SYT9: variants seen among roughly 807,000 people sequenced by gnomAD.
SYT9 encodes the protein synaptotagmin 9.
A neutral mutation model predicts 48.4 loss-of-function variants in SYT9; 22 were observed. The observed-to-expected ratio is 0.45, with a 90% confidence interval of 0.32 to 0.65. SYT9 has a LOEUF of 0.65. SYT9 is among the 30% of genes least tolerant of loss of function. The probability of loss-of-function intolerance (pLI) is 0.03; values close to 1 mark genes in which losing one functional copy is unlikely to be tolerated. For synonymous variants in SYT9, 265 were observed against 245.0 expected (o/e 1.08, Z -0.76); for missense variants, 577 against 622.0 (o/e 0.93, Z 0.77).
intron 3 of SYT9, among the ~76,000 whole-genome samples, chr11:7,412,921 A>T (rs1392126766): frequency 6.6e-6 from 1 of 152,128 alleles, no homozygotes; most frequent in African/African-American, 2.4e-5. Context: ...ACAGTAGTGG[A>T]CTAGGCTGGG....
intron 3 of SYT9, among the ~76,000 whole-genome samples, chr11:7,333,490 A>T (rs1849579391): frequency 4.6e-5 from 7 of 152,212 alleles, no homozygotes; most frequent in Admixed American, 4.6e-4. Flanking sequence ...GATGAGCATG[A>T]CTGACTTTAA....
chr11:7,252,330 A>C lies in SYT9; in HGVS notation c.144A>C (p.Pro48=), dbSNP rs1847887378. 2 of 1,473,586 alleles carry C rather than the reference A, an allele frequency of 1.4e-6. No individual in the cohort carries two copies. Among genetic ancestry groups the C allele is most frequent in the Non-Finnish European group, 9.0e-7 (1 of 1,112,124 alleles). 91.3% of individuals were successfully genotyped at this position (1,473,586 alleles called of 1,614,324 possible). A position where few individuals can be genotyped will look rare whatever the true frequency, so the allele number is the denominator to read the frequency against. The change falls in exon 1 of 7, where the codon CCA becomes CCC. Residue 48 remains proline (P), a splice_region_variant and synonymous_variant. Transcript: ENST00000318881. The surrounding 1 kb of genome is among the most constrained non-coding windows in gnomAD (Gnocchi z 6.3). ...RDRARPRLRD[P]DISVSLLTLV... is the part of the protein sequence containing the mutation. ...GTGCCAGACCCCGGCTCCGCGACCC[A>C]GGTGAGTGCCGCCACCGCCGCCTGG...
intron 1 of SYT9, among the ~76,000 whole-genome samples, chr11:7,281,172 A>G (rs142979570): frequency 2.8e-4 from 43 of 152,346 alleles, no homozygotes; most frequent in African/African-American, 9.6e-4. Context: ...CTATATTTGC[A>G]TACAAATGCA....
intron 6 of SYT9, among the ~76,000 whole-genome samples, chr11:7,423,149 C>A (rs1452806060): frequency 6.6e-6 from 1 of 152,186 alleles, no homozygotes; most frequent in Non-Finnish European, 1.5e-5. Context: ...AGGGGGAGGG[C>A]AAACCTTCCT....
At chr11:7,427,322 G>T (rs1475200753) in intron 6 of SYT9, 1 of 152,170 alleles carries the variant, frequency 6.6e-6, no homozygotes, top group Non-Finnish European at 1.5e-5. Context: ...CATGAAAAGG[G>T]ACCAATTCCT....
At chr11:7,419,145 C>T (rs1480385547) in intron 5 of SYT9, among the ~76,000 whole-genome samples, 1 of 152,214 alleles carries the variant, frequency 6.6e-6, no homozygotes, top group Non-Finnish European at 1.5e-5. Flanking sequence ...CAAGAAACAA[C>T]ACCAACAGTG....
chr11:7,328,809 T>C (rs1331857391), intron 3 of SYT9, among the ~76,000 whole-genome samples: 1 of 152,170 alleles, frequency 6.6e-6, no homozygotes, highest in Non-Finnish European at 1.5e-5. Context: ...TTTTTACTTG[T>C]TTGGAAATGT....
chr11:7,294,271 T>A (rs1397194630), intron 1 of SYT9, among the ~76,000 whole-genome samples: 1 of 152,166 alleles, frequency 6.6e-6, no homozygotes, highest in Non-Finnish European at 1.5e-5. Context: ...TAAATCTATA[T>A]CATTCCACTG....
Position 7,468,291 on chromosome 11 carries a change from A to G in SYT9, c.*1491A>G, listed in dbSNP as rs535846369. 1.8e-5 allele frequency: 7 copies of G among 398,670 alleles called. No individual in the cohort carries two copies. The highest frequency in any genetic ancestry group is 3.1e-5 in the Non-Finnish European group (7 of 226,082). 24.7% of individuals were successfully genotyped at this position (398,670 alleles called of 1,614,324 possible). On this transcript the variant is annotated 3_prime_UTR_variant, in exon 7 of 7. Transcript: ENST00000318881. Reference sequence around the variant, plus strand: ...GTCTTCAGAAAGTTCTCATTGCCCCAGCTGCCTAGTACTATACAAGAAGCT... The same window carrying G: ...GTCTTCAGAAAGTTCTCATTGCCCCGGCTGCCTAGTACTATACAAGAAGCT...
At chr11:7,414,157 C>T (rs549160968) in intron 3 of SYT9, among the ~76,000 whole-genome samples, 15 of 152,290 alleles carry the variant, frequency 9.8e-5, no homozygotes, top group Admixed American at 3.3e-4. Context: ...TTTCACATCC[C>T]GAACCTTACA....
At chr11:7,382,369 G>A (rs2134047534) in intron 3 of SYT9, among the ~76,000 whole-genome samples, 1 of 152,270 alleles carries the variant, frequency 6.6e-6, no homozygotes, top group South Asian at 2.1e-4. Flanking sequence ...TGAGAGAAGA[G>A]GGGCAATAGA....
chr11:7,381,488 G>A (rs1267459983), intron 3 of SYT9, among the ~76,000 whole-genome samples: 1 of 152,140 alleles, frequency 6.6e-6, no homozygotes, highest in Non-Finnish European at 1.5e-5. Context: ...GTGAAGCTCT[G>A]CCCTGTCATC....
At chr11:7,439,994 G>A (rs1444535150) in intron 6 of SYT9, 1 of 152,104 alleles carries the variant, frequency 6.6e-6, no homozygotes, top group Non-Finnish European at 1.5e-5. Context: ...TCCTTCTCTT[G>A]GGCTTCTCTA....
chr11:7,246,238 T>C (rs1165304321), intron 1 of SYT9, among the ~76,000 whole-genome samples: 2 of 152,194 alleles, frequency 1.3e-5, no homozygotes, highest in Non-Finnish European at 2.9e-5. Context: ...TGGCCACCAG[T>C]GGCCTAGTCC....
intron 1 of SYT9, among the ~76,000 whole-genome samples, chr11:7,274,814 G>T (rs61880879): frequency 0.097 from 14,802 of 152,088 alleles, 916 homozygotes; most frequent in South Asian, 0.22. Context: ...TCCCTTACAG[G>T]ATGCAGCAGC....
chr11:7,329,896 G>T (rs1456024733), intron 3 of SYT9, among the ~76,000 whole-genome samples: 1 of 152,182 alleles, frequency 6.6e-6, no homozygotes, highest in East Asian at 1.9e-4. Flanking sequence ...GAGAAAGCAT[G>T]CCAGCTCTGT....
At chr11:7,295,238 C>T (rs980637647) in intron 1 of SYT9, among the ~76,000 whole-genome samples, 2 of 152,220 alleles carry the variant, frequency 1.3e-5, no homozygotes, top group South Asian at 2.1e-4. Context: ...CCAAGCTGCA[C>T]CTTCAAAACT....
In SYT9 at chr11:7,345,953, G is replaced by A. The variant is rs888391203; in HGVS notation, c.1044+32012G>A. Among the ~76,000 whole-genome samples, 4 of 152,206 alleles carry A rather than the reference G, an allele frequency of 2.6e-5. No homozygotes were observed. In the South Asian group the frequency reaches 8.3e-4, roughly 31 times the overall value. On this transcript the variant is annotated intron_variant, in intron 3 of 6. Coordinates refer to ENST00000318881, the MANE Select transcript of SYT9 (RefSeq NM_175733.4). ...AAAACTGGTTGATTGTATCATGGAA[G>A]TCACTAGAAGAATGTTTCAAGGAAC...
chr11:7,452,313 C>T (rs1848070235), intron 6 of SYT9, among the ~76,000 whole-genome samples: 2 of 152,188 alleles, frequency 1.3e-5, no homozygotes, highest in African/African-American at 4.8e-5. Flanking sequence ...TCCCAGAGGC[C>T]TTCTCACTCC....
Sources: gnomAD v4.1 joint callset for allele counts (sites outside exome capture counted in the v4.1 genomes callset) on GRCh38, gnomAD v4.1.1 for gene constraint, Gnocchi (gnomAD v3.1) non-coding constraint, MANE v1.5 for transcripts, NCBI Gene and HGNC (gene_info 2026-07-23, HGNC 2026-07-21) for gene names.